The following ZP3 variants were observed in gnomAD, a reference collection of about 807,000 sequenced individuals.
ZP3 encodes zona pellucida glycoprotein 3.
Under a neutral mutation model 35.6 loss-of-function variants are expected in ZP3, and 21 were observed. That is an observed-to-expected ratio of 0.59 (90% CI 0.42 to 0.85). ZP3 has a LOEUF of 0.85. ZP3 is among the 40% of genes least tolerant of loss of function. ZP3 has a pLI of 0.00. For synonymous variants in ZP3, 207 were observed against 214.5 expected (o/e 0.96, Z 0.31); for missense variants, 437 against 536.5 (o/e 0.81, Z 1.83).
chr7:76,432,186 C>G (rs1206554186), intron 2 of ZP3, among the ~76,000 whole-genome samples: 1 of 148,854 alleles, frequency 6.7e-6, no homozygotes, highest in Non-Finnish European at 1.5e-5. Context: ...GCTATCTTTT[C>G]TTTTCTTTTC....
Position 76,435,471 on chromosome 7 carries a change from C to G in ZP3, c.831+1316C>G, listed in dbSNP as rs142562441. ...TGCCCAGCCTCAAGTAGCTTTTAAA[C>G]AAGCTCACTGAGATGAGAGGTGAGG... On this transcript the variant is annotated intron_variant, in intron 5 of 7. Transcript: ENST00000394857. Among the ~76,000 whole-genome samples, 698 of 152,050 alleles carry G rather than the reference C, an allele frequency of 4.6e-3. 8 individuals are homozygous for G. Among genetic ancestry groups the G allele is most frequent in the African/African-American group, 0.016 (657 of 41,312 alleles).
chr7:76,435,920 TTCA>T (rs1805985155), intron 5 of ZP3, among the ~76,000 whole-genome samples: 1 of 152,100 alleles, frequency 6.6e-6, no homozygotes, highest in African/African-American at 2.4e-5. Context: ...GAGACAGGGA[TTCA>T]TCATTTTGGC....
intron 2 of ZP3, among the ~76,000 whole-genome samples, chr7:76,431,562 T>C (rs1805825039): frequency 6.6e-6 from 1 of 152,092 alleles, no homozygotes; most frequent in African/African-American, 2.4e-5. Flanking sequence ...GGGTCCAGGC[T>C]CTCGGTAGCA....
upstream of ZP3, among the ~76,000 whole-genome samples, chr7:76,424,067 C>A (rs554707674): frequency 6.6e-6 from 1 of 152,238 alleles, no homozygotes; most frequent in Admixed American, 6.5e-5. Context: ...TTCCTCCTGT[C>A]TCCTAATTGA....
chr7:76,407,338 C>CTT (rs71882894), intron 1 of ZP3, among the ~76,000 whole-genome samples: 62,483 of 146,670 alleles, frequency 0.43, 13,249 homozygotes, highest in South Asian at 0.53. Flanking sequence ...GGGAGGATCT[C>CTT]TTTTTTTTTT....
chr7:76,422,274 C>T (rs1050245634), upstream of ZP3, among the ~76,000 whole-genome samples: 4 of 152,174 alleles, frequency 2.6e-5, no homozygotes, highest in African/African-American at 9.6e-5. Context: ...AGGGTTCTGC[C>T]CCGCCCACCT....
At chr7:76,405,402 G>A (rs1196534951) in intron 1 of ZP3, among the ~76,000 whole-genome samples, 31 of 116,522 alleles carry the variant, frequency 2.7e-4, no homozygotes, top group East Asian at 2.6e-4. Flanking sequence ...GGCTGGTTTC[G>A]AACTCCTGAC....
exon 1 of ZP3, chr7:76,397,776 T>G: frequency 6.2e-7 from 1 of 1,611,230 alleles, no homozygotes; most frequent in Non-Finnish European, 8.5e-7. Context: ...CTGTGCAGGA[T>G]CTCCACTCGG....
chr7:76,419,747 TTTTC>T (rs1402066088), intron 1 of ZP3, among the ~76,000 whole-genome samples: 1 of 149,464 alleles, frequency 6.7e-6, no homozygotes, highest in African/African-American at 2.5e-5. Context: ...TTCTTTCTCT[TTTTC>T]TTTCTTTTTT....
At chr7:76,425,942 G>C (rs935850943) in intron 1 of ZP3, among the ~76,000 whole-genome samples, 1 of 149,618 alleles carries the variant, frequency 6.7e-6, no homozygotes, top group African/African-American at 2.5e-5. Flanking sequence ...AATTAGCCAG[G>C]CATGGTGGTG....
At chr7:76,398,752 C>G (rs1432683264) in intron 1 of ZP3, 1 of 1,613,582 alleles carries the variant, frequency 6.2e-7, no homozygotes, top group Admixed American at 1.7e-5. Context: ...AGGAGGTGCT[C>G]TACTGGTTAA....
intron 5 of ZP3, among the ~76,000 whole-genome samples, chr7:76,435,447 G>A (rs868240775): frequency 1.3e-5 from 2 of 152,274 alleles, no homozygotes; most frequent in South Asian, 4.1e-4. Flanking sequence ...GAGCCACCAT[G>A]CCCAGCCTCA....
At chr7:76,416,955 T>TGTATACATAC (rs1805391021) in intron 1 of ZP3, among the ~76,000 whole-genome samples, 1 of 118,736 alleles carries the variant, frequency 8.4e-6, no homozygotes, top group Admixed American at 8.5e-5. Context: ...CATATATATA[T>TGTATACATAC]ATATATATAT....
intron 1 of ZP3, among the ~76,000 whole-genome samples, chr7:76,415,906 G>T (rs1233661592): frequency 6.7e-6 from 1 of 150,244 alleles, no homozygotes; most frequent in Non-Finnish European, 1.5e-5. Context: ...GAGGCAGGCG[G>T]ATCACTTGAG....
upstream of ZP3, chr7:76,424,828 G>C: frequency 1.3e-6 from 1 of 751,044 alleles, no homozygotes; most frequent in Non-Finnish European, 2.1e-6. Flanking sequence ...CTTCTGGATG[G>C]AGACCACTTT....
chr7:76,407,840 C>T (rs1365716132), intron 1 of ZP3, among the ~76,000 whole-genome samples: 1 of 152,224 alleles, frequency 6.6e-6, no homozygotes, highest in East Asian at 1.9e-4. Context: ...CCTTTTCTTG[C>T]AGACTTTTAG....
At chr7:76,397,642 G>A in exon 1 of ZP3, 1 of 1,613,736 alleles carries the variant, frequency 6.2e-7, no homozygotes. Flanking sequence ...GGATGTGTCC[G>A]GTGCCATAGC....
intron 1 of ZP3, chr7:76,428,834 A>AC (rs1805748529): frequency 6.6e-6 from 1 of 151,340 alleles, no homozygotes; most frequent in African/African-American, 2.4e-5. Context: ...GGCACGTGCC[A>AC]CCACACTCAG....
intron 5 of ZP3, among the ~76,000 whole-genome samples, chr7:76,434,975 T>A (rs1805946353): frequency 1.3e-5 from 2 of 152,208 alleles, no homozygotes; most frequent in South Asian, 4.1e-4. Flanking sequence ...AACTGCCTAA[T>A]GGCTGAGGTG....
Sources: allele counts gnomAD v4.1 joint callset (sites outside exome capture counted in the v4.1 genomes callset), GRCh38; gene constraint gnomAD v4.1.1; transcripts MANE v1.5; gene names NCBI Gene and HGNC (gene_info 2026-07-23, HGNC 2026-07-21).